TMEM165: variants seen among roughly 807,000 people sequenced by gnomAD.
TMEM165 encodes transmembrane protein 165.
In TMEM165, 19 loss-of-function variants were observed where a neutral mutation model predicts 30.0. The ratio of observed to expected loss-of-function variants is 0.63; its 90% CI spans 0.44 to 0.93. The LOEUF is 0.93. TMEM165 is among the 40% of genes least tolerant of loss of function. The pLI, the probability that TMEM165 is intolerant of heterozygous loss-of-function variation, is 0.00. For missense variants in TMEM165, 340 were observed against 417.0 expected, an observed-to-expected ratio of 0.82 and a Z score of 1.61; for synonymous variants, 168 against 162.9, an observed-to-expected ratio of 1.03 and a Z score of -0.24.
intron 1 of TMEM165, among the ~76,000 whole-genome samples, chr4:55,405,598 C>T (rs1240423905): frequency 1.3e-5 from 2 of 152,162 alleles, no homozygotes; most frequent in African/African-American, 2.4e-5. Context: ...AATATTTCTG[C>T]CAACCAGAAA....
intron 1 of TMEM165, among the ~76,000 whole-genome samples, chr4:55,409,954 C>G (rs895354952): frequency 3.9e-5 from 6 of 151,936 alleles, no homozygotes; most frequent in Non-Finnish European, 4.4e-5. Flanking sequence ...GAACATGATA[C>G]CCCGTCCTTC....
chr4:55,425,616 T>G lies in TMEM165; in HGVS notation c.*164T>G. 1.8e-6 allele frequency: 1 copy of G among 565,752 alleles called. No individual in the cohort carries two copies. Among genetic ancestry groups the G allele is most frequent in the South Asian group, 2.5e-5 (1 of 39,792 alleles). The allele number at this position is 565,752 out of a possible 1,614,324, so 35.0% of individuals were successfully genotyped here. On this transcript the variant is annotated 3_prime_UTR_variant, in exon 6 of 6. Coordinates refer to ENST00000381334, the MANE Select transcript of TMEM165 (RefSeq NM_018475.5). ...CTGAGATATAATCATTGATTCTATTTGTAACAAGGAGTTTTAAAAGAAACC... is the reference window on the plus strand; with the variant it reads ...CTGAGATATAATCATTGATTCTATTGGTAACAAGGAGTTTTAAAAGAAACC...
rs1722793639 is a variant in TMEM165 at position 55,435,332 on chromosome 4, T to TC, written c.408+10692dup. 9.2e-6 allele frequency: 14 copies of TC among 1,522,946 alleles called. No individual in the cohort carries two copies. The South Asian group carries it at 1.6e-4, about 17-fold the overall frequency. The allele number at this position is 1,522,946 out of a possible 1,614,324, so 94.3% of individuals were successfully genotyped here. ...GCATCTCATGAAACTGCTGGAACTT[T>TC]CCCTCCTTTCCTCAGGTCATCTGAG... On this transcript the variant is annotated intron_variant, in intron 3 of 3. Transcript: ENST00000608091.
rs113328549 is a variant in TMEM165, at chr4:55,436,982, C to T, written c.408+12339C>T. ...AGAAGACTGAGATGTTAAGGCAGGT[C>T]CTCTCCTTTTTTTAGCTTATGCTTA... On this transcript the variant is annotated intron_variant, in intron 3 of 3. Transcript: ENST00000608091. 4.0e-3 allele frequency among the ~76,000 whole-genome samples: 577 copies of T among 144,520 alleles called. 4 individuals are homozygous for T. The highest frequency in any genetic ancestry group is 0.014 in the African/African-American group (550 of 39,262). The allele number at this position is 144,520 out of a possible 152,430, so 94.8% of individuals were successfully genotyped here.
intron 4 of TMEM165, 36 bp from the exon 5 acceptor site, chr4:55,424,502 T>C (rs1309272549): frequency 1.5e-6 from 2 of 1,331,374 alleles, no homozygotes; most frequent in Non-Finnish European, 2.2e-6. Flanking sequence ...AGTTGTCACC[T>C]TGGTTTTGAA....
intron 1 of TMEM165, among the ~76,000 whole-genome samples, chr4:55,406,493 A>G (rs1024419788): frequency 6.6e-6 from 1 of 152,224 alleles, no homozygotes; most frequent in Non-Finnish European, 1.5e-5. Context: ...CACCATCCAC[A>G]TGTACACATA....
chr4:55,443,664 C>T (rs1209510565), intron 3 of TMEM165: 1 of 1,583,714 alleles, frequency 6.3e-7, no homozygotes, highest in East Asian at 2.2e-5. Flanking sequence ...CACTCCATAG[C>T]CCGCTGTGCT....
At chr4:55,416,184 C>T (rs1420429281) in intron 2 of TMEM165, 1 of 151,982 alleles carries the variant, frequency 6.6e-6, no homozygotes, top group African/African-American at 2.4e-5. Context: ...TATGTATGGT[C>T]GTGTCCTCTG....
intron 1 of TMEM165, among the ~76,000 whole-genome samples, chr4:55,404,459 T>C (rs552867013): frequency 2.0e-5 from 3 of 152,292 alleles, no homozygotes; most frequent in African/African-American, 7.2e-5. Context: ...AGGGTCTTGC[T>C]CTGTCGCCCT....
chr4:55,407,130 A>G (rs1721303245), intron 1 of TMEM165, among the ~76,000 whole-genome samples: 1 of 152,306 alleles, frequency 6.6e-6, no homozygotes, highest in Middle Eastern at 3.4e-3. Flanking sequence ...GGTCAGGATC[A>G]TTAAGAGCTG....
At chr4:55,428,590 C>T (rs528733385), downstream of TMEM165, 4 of 152,120 alleles carry the variant, frequency 2.6e-5, no homozygotes, top group South Asian at 2.1e-4. Context: ...ATCAATTAGC[C>T]GTTTTTAGCT....
Position 55,396,158 on chromosome 4 carries a change from G to T in TMEM165, c.-32G>T. ...TCCCGTCGCCGGCACTTCCTCTTGC[G>T]GCGCCCGTGCGCGGCCGGCCCGGCA... On this transcript the variant is annotated 5_prime_UTR_variant, in exon 1 of 6. Transcript: ENST00000381334. The T allele has an allele frequency of 7.5e-7, 1 of 1,336,372 alleles. No individual in the cohort carries two copies. Among genetic ancestry groups the T allele is most frequent in the South Asian group, 2.1e-5 (1 of 47,374 alleles). The allele number at this position is 1,336,372 out of a possible 1,614,324, so 82.8% of individuals were successfully genotyped here.
chr4:55,403,043 G>T (rs1721098282), intron 1 of TMEM165, among the ~76,000 whole-genome samples: 1 of 151,874 alleles, frequency 6.6e-6, no homozygotes, highest in South Asian at 2.1e-4. Context: ...GCCCGCCTGG[G>T]CCTCCCAAAG....
rs772564760 is a variant in TMEM165, at chr4:55,417,898, C to A, written c.705C>A (p.Pro235=). 6.2e-7 allele frequency: 1 copy of A among 1,613,962 alleles called. No homozygotes were observed. The highest frequency in any genetic ancestry group is 8.5e-7 in the Non-Finnish European group (1 of 1,179,906). ...AAAAGTGGTTGCATTTTATTTCACCCATTTTTGTTCAAGCTCTTACATTAA... is the reference window on the plus strand; with the variant it reads ...AAAAGTGGTTGCATTTTATTTCACCAATTTTTGTTCAAGCTCTTACATTAA... The part of the protein sequence containing the change: ...PQKKWLHFIS[P]IFVQALTLTF... Residue 235 remains proline (P), a synonymous_variant, in exon 4 of 6, where the codon CCC becomes CCA. Coordinates refer to ENST00000381334, the MANE Select transcript of TMEM165 (RefSeq NM_018475.5).
chr4:55,442,452 G>T, intron 3 of TMEM165: 1 of 1,609,282 alleles, frequency 6.2e-7, no homozygotes, highest in Non-Finnish European at 8.5e-7. Context: ...TGTCCTGAGT[G>T]AATGTAGTTA....
At chr4:55,435,770 C>T (rs1722832378) in intron 3 of TMEM165, among the ~76,000 whole-genome samples, 1 of 152,144 alleles carries the variant, frequency 6.6e-6, no homozygotes, top group Non-Finnish European at 1.5e-5. Context: ...TGAGGCCTTC[C>T]CTCTTTCTGA....
intron 3 of TMEM165, among the ~76,000 whole-genome samples, chr4:55,448,440 C>G (rs529477533): frequency 3.1e-4 from 47 of 152,204 alleles, no homozygotes; most frequent in Admixed American, 1.3e-3. Context: ...TCTTATGCAT[C>G]CTGAAAGATA....
In TMEM165 at chr4:55,448,769, CA is replaced by C. The variant is rs577243273; in HGVS notation, c.409-3465del. ...TCAAATACGCAACTGAAACAAAAAC[CA>C]AAAAGTACCTGGGACATGCCTTGTG... On this transcript the variant is annotated intron_variant, in intron 3 of 3. Transcript: ENST00000608091. The C allele has an allele frequency of 2.4e-4, 383 of 1,611,508 alleles. 2 individuals are homozygous for C. In the African/African-American group the frequency reaches 4.8e-3, roughly 20 times the overall value.
rs958537515 is a variant in TMEM165, at chr4:55,417,343, C to T, written c.609+96C>T. 1.2e-4 allele frequency: 138 copies of T among 1,199,176 alleles called. 2 individuals carry two copies. The South Asian group carries it at 1.3e-3, about 11-fold the overall frequency. The allele number at this position is 1,199,176 out of a possible 1,614,324, so 74.3% of individuals were successfully genotyped here. A position where few individuals can be genotyped will look rare whatever the true frequency, so the allele number is the denominator to read the frequency against. On this transcript the variant is annotated intron_variant, in intron 3 of 5. Transcript: ENST00000381334. ...TCAGTGGCCCCATCTGTGTGATATG[C>T]GGGGCTACACAAAAATAGCTTCTTT... is the stretch of plus-strand genomic sequence containing the variant.
Sources: allele counts gnomAD v4.1 joint callset (sites outside exome capture counted in the v4.1 genomes callset), GRCh38; gene constraint gnomAD v4.1.1; transcripts MANE v1.5; gene names NCBI Gene and HGNC (gene_info 2026-07-23, HGNC 2026-07-21).